UBE2G2: variants seen among roughly 807,000 people sequenced by gnomAD.
The protein encoded by UBE2G2 is ubiquitin-conjugating enzyme E2 G2.
A neutral mutation model predicts 23.0 loss-of-function variants in UBE2G2; 10 were observed. The observed-to-expected ratio is 0.43, with a 90% confidence interval of 0.27 to 0.74. UBE2G2 has a LOEUF of 0.74. Among genes scored for constraint, UBE2G2 ranks in the 30% least tolerant of loss-of-function variants. The probability of loss-of-function intolerance (pLI) is 0.19; values close to 1 mark genes in which losing one functional copy is unlikely to be tolerated. For missense variants in UBE2G2, 150 were observed against 218.3 expected, an observed-to-expected ratio of 0.69 and a Z score of 1.97; for synonymous variants, 86 against 81.3, an observed-to-expected ratio of 1.06 and a Z score of -0.31.
rs1200121971 is a variant in UBE2G2, at chr21:44,785,998, G to A, written c.125+1922C>T. 6.6e-5 allele frequency among the ~76,000 whole-genome samples: 10 copies of A among 152,254 alleles called. No individual in the cohort carries two copies. The South Asian group carries it at 2.1e-3, about 32-fold the overall frequency. Reference sequence around the variant, plus strand: ...GTTACCCTAATCGATTTTTAACAATGAACATTTTTTTAAAACCACACTGGA... The same window carrying A: ...GTTACCCTAATCGATTTTTAACAATAAACATTTTTTTAAAACCACACTGGA... On this transcript the variant is annotated intron_variant, in intron 3 of 5. Transcript: ENST00000345496.
chr21:44,787,839 A>G, intron 3 of UBE2G2, 81 bp downstream of exon 3: 1 of 1,501,480 alleles, frequency 6.7e-7, no homozygotes, highest in African/African-American at 1.4e-5. Flanking sequence ...ATGCTTTTGG[A>G]CACAGTCACA....
chr21:44,771,289 C>T lies in UBE2G2; in HGVS notation c.*88G>A. ...TCTTGCAAGTCTGCCTTGTTTGGTACCAGCACAGAGCATCACTGTCACTAA... is the reference window on the plus strand; with the variant it reads ...TCTTGCAAGTCTGCCTTGTTTGGTATCAGCACAGAGCATCACTGTCACTAA... On this transcript the variant is annotated 3_prime_UTR_variant, in exon 6 of 6. Transcript: ENST00000345496. This position sits in a 1 kb window ranked among gnomAD's most constrained non-coding sequence, Gnocchi z 4.6. 2 of 1,262,356 alleles carry T rather than the reference C, an allele frequency of 1.6e-6. No homozygotes were observed. The highest frequency in any genetic ancestry group is 2.3e-6 in the Non-Finnish European group (2 of 885,448). 78.2% of individuals were successfully genotyped at this position (1,262,356 alleles called of 1,614,324 possible).
intron 3 of UBE2G2, among the ~76,000 whole-genome samples, chr21:44,781,609 TG>T (rs1366374557): frequency 6.6e-6 from 1 of 152,212 alleles, no homozygotes; most frequent in African/African-American, 2.4e-5. Flanking sequence ...AGCCGTGATT[TG>T]GGGAAGTGCC....
chr21:44,768,818 T>G lies in UBE2G2; in HGVS notation c.*2559A>C, dbSNP rs1225810314. On this transcript the variant is annotated 3_prime_UTR_variant, in exon 6 of 6. Transcript: ENST00000345496. ...AAGCTGCAAAATGTCATTTATAGGT[T>G]AGTGAACACATCCGTCTCACAGACC... 6.6e-6 allele frequency: 1 copy of G among 152,214 alleles called. No homozygotes were observed. The highest frequency in any genetic ancestry group is 1.5e-5 in the Non-Finnish European group (1 of 68,050). The allele number at this position is 152,214 out of a possible 1,614,324, so 9.4% of individuals were successfully genotyped here.
At chr21:44,800,421 A>T (rs1601203174) in intron 1 of UBE2G2, 1 of 80,004 alleles carries the variant, frequency 1.2e-5, no homozygotes, top group Non-Finnish European at 2.4e-5. Flanking sequence ...TTAAAAATAC[A>T]AGTAAAAAAA....
At chr21:44,773,776 A>G in intron 4 of UBE2G2, 89 bp from the exon 5 acceptor site, 3 of 1,522,406 alleles carry the variant, frequency 2.0e-6, no homozygotes, top group Middle Eastern at 1.7e-4. Flanking sequence ...AATGAGAACA[A>G]AGACTGCAGA....
Position 44,772,130 on chromosome 21 carries a change from A to C in UBE2G2, c.386-641T>G, listed in dbSNP as rs1320074679. Among the ~76,000 whole-genome samples the C allele has an allele frequency of 6.6e-6, 1 of 152,212 alleles. No homozygotes were observed. The highest frequency in any genetic ancestry group is 1.5e-5 in the Non-Finnish European group (1 of 68,028). On this transcript the variant is annotated intron_variant, in intron 5 of 5. Coordinates refer to ENST00000345496, the MANE Select transcript of UBE2G2 (RefSeq NM_003343.6). The surrounding 1 kb of genome is among the most constrained non-coding windows in gnomAD (Gnocchi z 5.4). ...AGAACTGGATGACATGTGCTGAGGCAGCAGCTGTGCAGTGCGGCGGTGGCG... is the reference window on the plus strand; with the variant it reads ...AGAACTGGATGACATGTGCTGAGGCCGCAGCTGTGCAGTGCGGCGGTGGCG...
intron 3 of UBE2G2, among the ~76,000 whole-genome samples, chr21:44,781,606 ATT>A (rs1228021861): frequency 6.6e-6 from 1 of 152,194 alleles, no homozygotes; most frequent in African/African-American, 2.4e-5. Context: ...AGAAGCCGTG[ATT>A]TGGGGAAGTG....
In UBE2G2 at chr21:44,771,310, A is replaced by T. The variant is rs1198640005; in HGVS notation, c.*67T>A. 5.5e-6 allele frequency: 8 copies of T among 1,452,408 alleles called. No homozygotes were observed. The highest frequency in any genetic ancestry group is 7.7e-6 in the Non-Finnish European group (8 of 1,041,930). The allele number at this position is 1,452,408 out of a possible 1,614,324, so 90.0% of individuals were successfully genotyped here. On this transcript the variant is annotated 3_prime_UTR_variant, in exon 6 of 6. Coordinates refer to ENST00000345496, the MANE Select transcript of UBE2G2 (RefSeq NM_003343.6). This position sits in a 1 kb window ranked among gnomAD's most constrained non-coding sequence, Gnocchi z 4.6. Reference sequence around the variant, plus strand: ...GGTACCAGCACAGAGCATCACTGTCACTAAGTGTGCCGGGGGAGAATGCTG... The same window carrying T: ...GGTACCAGCACAGAGCATCACTGTCTCTAAGTGTGCCGGGGGAGAATGCTG...
Position 44,771,286 on chromosome 21 carries a change from G to T in UBE2G2, c.*91C>A. The T allele has an allele frequency of 4.1e-6, 5 of 1,227,662 alleles. No homozygotes were observed. Among genetic ancestry groups the T allele is most frequent in the Non-Finnish European group, 3.5e-6 (3 of 854,616 alleles). 76.0% of individuals were successfully genotyped at this position (1,227,662 alleles called of 1,614,324 possible). On this transcript the variant is annotated 3_prime_UTR_variant, in exon 6 of 6. Coordinates refer to ENST00000345496, the MANE Select transcript of UBE2G2 (RefSeq NM_003343.6). The surrounding 1 kb of genome is among the most constrained non-coding windows in gnomAD (Gnocchi z 4.6). The stretch of plus-strand genomic sequence containing the variant: ...GGTTCTTGCAAGTCTGCCTTGTTTG[G>T]TACCAGCACAGAGCATCACTGTCAC...
intron 3 of UBE2G2, among the ~76,000 whole-genome samples, chr21:44,784,181 G>A (rs78770450): frequency 0.011 from 1,606 of 151,976 alleles, 12 homozygotes; most frequent in Middle Eastern, 0.059. Flanking sequence ...GGAGGGGAGG[G>A]GAGGGAAGAA....
At chr21:44,795,477 C>A (rs983706651) in intron 1 of UBE2G2, among the ~76,000 whole-genome samples, 1 of 151,684 alleles carries the variant, frequency 6.6e-6, no homozygotes, top group African/African-American at 2.4e-5. Flanking sequence ...ACTAAAAATA[C>A]AAAAATTAGC....
intron 1 of UBE2G2, chr21:44,801,475 G>A (rs2083137038): frequency 3.5e-6 from 4 of 1,127,398 alleles, no homozygotes; most frequent in South Asian, 2.5e-5. Flanking sequence ...CAACTAACAC[G>A]GCGCCGGCGC....
intron 5 of UBE2G2, 105 bp downstream of exon 5, chr21:44,773,442 T>G: frequency 7.1e-7 from 1 of 1,409,616 alleles, no homozygotes; most frequent in Non-Finnish European, 9.4e-7. Context: ...GTAAACTAAC[T>G]GCAAATGAGG....
intron 3 of UBE2G2, among the ~76,000 whole-genome samples, chr21:44,782,910 GA>G (rs138066429): frequency 2.6e-5 from 4 of 151,638 alleles, no homozygotes; most frequent in East Asian, 1.9e-4. Context: ...CTCTATATAA[GA>G]AAAAAAATGC....
At chr21:44,774,989 C>T (rs940840920) in intron 4 of UBE2G2, 3 of 296,214 alleles carry the variant, frequency 1.0e-5, no homozygotes, top group Non-Finnish European at 2.0e-5. Flanking sequence ...TAGACCACTA[C>T]AGCCGAGGGC....
chr21:44,794,620 C>T (rs1347941902), intron 1 of UBE2G2, among the ~76,000 whole-genome samples: 1 of 151,550 alleles, frequency 6.6e-6, no homozygotes, highest in Non-Finnish European at 1.5e-5. Flanking sequence ...CTGCAAGCTC[C>T]ACCTCCCAAG....
At chr21:44,790,355 T>A (rs1555962782) in intron 1 of UBE2G2, among the ~76,000 whole-genome samples, 1 of 152,220 alleles carries the variant, frequency 6.6e-6, no homozygotes, top group African/African-American at 2.4e-5. Context: ...GGGTCTTATG[T>A]TGCCATAGAC....
At chr21:44,780,633 G>GT (rs150750481) in intron 3 of UBE2G2, among the ~76,000 whole-genome samples, 1,556 of 152,330 alleles carry the variant, frequency 0.01, 22 homozygotes, top group African/African-American at 0.035. Flanking sequence ...AGCTCAGACT[G>GT]TTTTGCTGTC....
Sources: gnomAD v4.1 joint callset for allele counts (sites outside exome capture counted in the v4.1 genomes callset) on GRCh38, gnomAD v4.1.1 for gene constraint, Gnocchi (gnomAD v3.1) non-coding constraint, MANE v1.5 for transcripts, NCBI Gene and HGNC (gene_info 2026-07-23, HGNC 2026-07-21) for gene names.